PPP6R3: variants seen among roughly 807,000 people sequenced by gnomAD.
PPP6R3 encodes the protein protein phosphatase 6 regulatory subunit 3, also known as serine/threonine-protein phosphatase 6 regulatory subunit 3.
PPP6R3 carries 38 observed loss-of-function variants against 110.7 expected under a neutral mutation model. The ratio of observed to expected loss-of-function variants is 0.34; its 90% confidence interval spans 0.26 to 0.45. The LOEUF (loss-of-function observed/expected upper bound fraction) is 0.45, where lower values mean the gene tolerates loss of function less well. Ranked by LOEUF, PPP6R3 falls within the 20% of genes least tolerant of loss-of-function variation. PPP6R3 has a pLI of 1.00. For synonymous variants in PPP6R3, 369 were observed against 373.5 expected, an observed-to-expected ratio of 0.99 and a Z score of 0.14; for missense variants, 870 against 1,062.4, an observed-to-expected ratio of 0.82 and a Z score of 2.52.
At chr11:68,610,144 C>A in intron 23 of PPP6R3, 121 bp downstream of exon 23, 1 of 1,344,806 alleles carries the variant, frequency 7.4e-7, no homozygotes, top group Non-Finnish European at 1.0e-6. Flanking sequence ...AGGCCGCTGA[C>A]CTGGCAGGAC....
intron 3 of PPP6R3, 87 bp from the exon 4 acceptor site, chr11:68,544,751 A>G (rs2099341777): frequency 2.1e-6 from 2 of 931,012 alleles, no homozygotes; most frequent in Non-Finnish European, 3.1e-6. Context: ...TTTTCACAAA[A>G]TCTTGGGAAG....
At chr11:68,610,155 A>T (rs1239619956) in intron 23 of PPP6R3, 132 bp downstream of exon 23, 13 of 1,279,154 alleles carry the variant, frequency 1.0e-5, no homozygotes, top group African/African-American at 1.5e-5. Flanking sequence ...CTGGCAGGAC[A>T]GGGTTTTCTC....
intron 1 of PPP6R3, among the ~76,000 whole-genome samples, chr11:68,473,176 G>T (rs1425384387): frequency 6.6e-6 from 1 of 152,202 alleles, no homozygotes; most frequent in East Asian, 1.9e-4. Context: ...TCACTGGAAA[G>T]ACCATGATTA....
chr11:68,476,016 C>G (rs567565856), intron 1 of PPP6R3, among the ~76,000 whole-genome samples: 1 of 148,398 alleles, frequency 6.7e-6, no homozygotes, highest in Non-Finnish European at 1.5e-5. Context: ...TCATCCCAGA[C>G]GATGGGCGGC....
chr11:68,568,593 C>T (rs2099488912), intron 10 of PPP6R3, among the ~76,000 whole-genome samples: 2 of 152,278 alleles, frequency 1.3e-5, no homozygotes, highest in East Asian at 1.9e-4. Context: ...TACTGCCTCT[C>T]GTATCCTCAT....
intron 5 of PPP6R3, among the ~76,000 whole-genome samples, chr11:68,549,113 A>T (rs924259826): frequency 2.0e-5 from 3 of 151,936 alleles, no homozygotes; most frequent in Admixed American, 1.3e-4. Context: ...CTGGTCTCGA[A>T]CTCCTGACCT....
chr11:68,472,678 A>G (rs2098800685), intron 1 of PPP6R3, among the ~76,000 whole-genome samples: 1 of 151,930 alleles, frequency 6.6e-6, no homozygotes, highest in Non-Finnish European at 1.5e-5. Flanking sequence ...CAATTGATCA[A>G]TTTAAAGTGT....
At chr11:68,539,349 C>T (rs1361697082) in intron 3 of PPP6R3, among the ~76,000 whole-genome samples, 2 of 152,152 alleles carry the variant, frequency 1.3e-5, no homozygotes, top group African/African-American at 2.4e-5. Flanking sequence ...GTAGGCATGC[C>T]TTCTATGAAG....
intron 19 of PPP6R3, 101 bp from the exon 20 acceptor site, chr11:68,600,240 C>A: frequency 7.4e-7 from 1 of 1,357,952 alleles, no homozygotes; most frequent in Non-Finnish European, 1.0e-6. Flanking sequence ...GTCTTTCTCC[C>A]ACAGCTCCAG....
intron 3 of PPP6R3, among the ~76,000 whole-genome samples, chr11:68,540,604 G>C (rs188952711): frequency 6.6e-6 from 1 of 152,306 alleles, no homozygotes; most frequent in Non-Finnish European, 1.5e-5. Flanking sequence ...TAGGCGGGAA[G>C]TTCCTCTTCC....
At chr11:68,504,025 A>G (rs1025403057) in intron 1 of PPP6R3, among the ~76,000 whole-genome samples, 1 of 152,216 alleles carries the variant, frequency 6.6e-6, no homozygotes, top group Non-Finnish European at 1.5e-5. Flanking sequence ...TTGGAGAGCC[A>G]CTTGGCCACG....
chr11:68,470,253 G>A (rs1018860801), intron 1 of PPP6R3, among the ~76,000 whole-genome samples: 1 of 152,188 alleles, frequency 6.6e-6, no homozygotes, highest in East Asian at 1.9e-4. Context: ...GGGAGTGCTT[G>A]TCTGCAGATT....
intron 1 of PPP6R3, among the ~76,000 whole-genome samples, chr11:68,487,828 A>T (rs1185845035): frequency 6.6e-6 from 1 of 152,112 alleles, no homozygotes; most frequent in Non-Finnish European, 1.5e-5. Context: ...GAACTTGAGA[A>T]CTGTAATCTG....
chr11:68,528,442 G>A (rs1300646754), intron 2 of PPP6R3, among the ~76,000 whole-genome samples: 1 of 143,460 alleles, frequency 7.0e-6, no homozygotes, highest in African/African-American at 2.5e-5. Flanking sequence ...GTGGGGGGGG[G>A]GGCTGCACCT....
intron 1 of PPP6R3, among the ~76,000 whole-genome samples, chr11:68,483,429 G>A (rs894125452): frequency 2.0e-5 from 3 of 152,190 alleles, no homozygotes; most frequent in Admixed American, 2.0e-4. Flanking sequence ...GGAGAATGGT[G>A]CATTTGTTAG....
chr11:68,519,392 G>A, intron 1 of PPP6R3, 109 bp from the exon 2 acceptor site: 1 of 386,696 alleles, frequency 2.6e-6, no homozygotes, highest in Non-Finnish European at 4.6e-6. Context: ...AATTCCCTGT[G>A]GTATAGTTCT....
chr11:68,519,921 C>T (rs1007558177), intron 2 of PPP6R3, among the ~76,000 whole-genome samples: 9 of 152,174 alleles, frequency 5.9e-5, no homozygotes, highest in African/African-American at 2.2e-4. Flanking sequence ...CCAGCCAGGC[C>T]TAGTAAGCTG....
At chr11:68,591,440 T>C (rs756732732) in intron 17 of PPP6R3, 136 bp from the exon 18 acceptor site, 1 of 731,714 alleles carries the variant, frequency 1.4e-6, no homozygotes, top group Non-Finnish European at 2.1e-6. Flanking sequence ...TAGGTGTTTA[T>C]ATTTTATTTT....
chr11:68,588,659 A>G (rs1566042520), intron 16 of PPP6R3, among the ~76,000 whole-genome samples: 8 of 150,494 alleles, frequency 5.3e-5, no homozygotes, highest in Admixed American at 4.6e-4. Flanking sequence ...GGATTTCACC[A>G]TGGTCTCAAT....
Sources: gnomAD v4.1 joint callset for allele counts (sites outside exome capture counted in the v4.1 genomes callset) on GRCh38, gnomAD v4.1.1 for gene constraint, MANE v1.5 for transcripts, NCBI Gene and HGNC (gene_info 2026-07-23, HGNC 2026-07-21) for gene names.